Variants in CRACD observed in about 807,000 individuals in gnomAD.
CRACD encodes capping protein-inhibiting regulator of actin dynamics.
A neutral mutation model predicts 106.8 loss-of-function variants in CRACD; 56 were observed. The observed-to-expected ratio is 0.52, with a 90% CI of 0.42 to 0.66. The LOEUF is 0.66. Among genes scored for constraint, CRACD ranks in the 30% least tolerant of loss-of-function variants. CRACD has a pLI of 0.00. For synonymous variants in CRACD, 754 were observed against 670.8 expected, an observed-to-expected ratio of 1.12 and a Z score of -1.92; for missense variants, 1,730 against 1,623.2, an observed-to-expected ratio of 1.07 and a Z score of -1.13.
intron 6 of CRACD, 66 bp from the exon 7 acceptor site, chr4:56,313,131 G>A (rs1745261535): frequency 2.8e-6 from 4 of 1,438,376 alleles, no homozygotes; most frequent in East Asian, 2.3e-5. Flanking sequence ...GAGTGCCACC[G>A]TTCTGCGATT....
chr4:56,181,373 G>A (rs1248925959), intron 2 of CRACD, among the ~76,000 whole-genome samples: 1 of 152,214 alleles, frequency 6.6e-6, no homozygotes, highest in African/African-American at 2.4e-5. Flanking sequence ...CTGGAGCAGA[G>A]TGAGTGGGAG....
chr4:56,067,128 G>T (rs989199408), intron 1 of CRACD, among the ~76,000 whole-genome samples: 1 of 152,028 alleles, frequency 6.6e-6, no homozygotes, highest in Non-Finnish European at 1.5e-5. Context: ...AAGAATGGAA[G>T]TCTTCTTCTA....
At chr4:56,066,183 A>C (rs1203202097) in intron 1 of CRACD, among the ~76,000 whole-genome samples, 2 of 152,178 alleles carry the variant, frequency 1.3e-5, no homozygotes, top group African/African-American at 2.4e-5. Context: ...GATGCTCTAC[A>C]TTGCAGGGCA....
At chr4:56,231,188 T>TAC (rs374534103) in intron 2 of CRACD, among the ~76,000 whole-genome samples, 2 of 152,126 alleles carry the variant, frequency 1.3e-5, no homozygotes, top group South Asian at 2.1e-4. Flanking sequence ...AGTTTTGAAA[T>TAC]ACACACACAC....
chr4:56,188,711 C>CACACAGAGAG (rs1446016845), intron 2 of CRACD, among the ~76,000 whole-genome samples: 15 of 113,170 alleles, frequency 1.3e-4, no homozygotes, highest in African/African-American at 4.6e-4. Flanking sequence ...CACACACACA[C>CACACAGAGAG]AGAGAGAGAG....
chr4:56,103,696 T>C (rs1733854844), intron 1 of CRACD, among the ~76,000 whole-genome samples: 1 of 152,236 alleles, frequency 6.6e-6, no homozygotes, highest in African/African-American at 2.4e-5. Flanking sequence ...CAGCATTACC[T>C]AGAATGAGAG....
intron 3 of CRACD, among the ~76,000 whole-genome samples, chr4:56,283,464 C>T (rs1174697714): frequency 5.9e-5 from 9 of 152,162 alleles, no homozygotes; most frequent in African/African-American, 1.7e-4. Context: ...TCTGGTAGGA[C>T]ATAGTGCCTG....
At chr4:56,107,928 A>G (rs900150771) in intron 1 of CRACD, among the ~76,000 whole-genome samples, 1 of 152,194 alleles carries the variant, frequency 6.6e-6, no homozygotes, top group Non-Finnish European at 1.5e-5. Flanking sequence ...CTCTTTAACA[A>G]AAGGAGCCAT....
intron 2 of CRACD, among the ~76,000 whole-genome samples, chr4:56,254,734 G>T (rs191581974): frequency 6.6e-6 from 1 of 151,778 alleles, no homozygotes; most frequent in Non-Finnish European, 1.5e-5. Context: ...ACATACTCCA[G>T]CATGGTTTGA....
rs748565103 is a variant in CRACD at position 56,121,693 on chromosome 4, G to T, written c.-335-57591G>T. ...AAATGCAGGACTATGTAGCATGATG[G>T]GTTACATGAACAGAGGTCTAAAACT... is the stretch of plus-strand genomic sequence containing the variant. On this transcript the variant is annotated intron_variant, in intron 1 of 10. Coordinates refer to ENST00000682029, the MANE Select transcript of CRACD (RefSeq NM_001393381.1). Among the ~76,000 whole-genome samples the T allele has an allele frequency of 5.3e-5, 8 of 152,030 alleles. 1 individual carries two copies. Among genetic ancestry groups the T allele is most frequent in the Admixed American group, 2.0e-4 (3 of 15,264 alleles).
At chr4:56,306,901 T>C (rs1744750248) in intron 4 of CRACD, among the ~76,000 whole-genome samples, 1 of 152,186 alleles carries the variant, frequency 6.6e-6, no homozygotes, top group African/African-American at 2.4e-5. Flanking sequence ...CTATCCTTTA[T>C]AGGGTTTTAG....
chr4:56,307,061 C>A (rs1560528691), intron 4 of CRACD, among the ~76,000 whole-genome samples: 1 of 152,168 alleles, frequency 6.6e-6, no homozygotes, highest in East Asian at 1.9e-4. Flanking sequence ...GTGAATATGT[C>A]CCAAAGGGGC....
chr4:56,288,143 G>A (rs1386007103), intron 3 of CRACD, among the ~76,000 whole-genome samples: 1 of 152,128 alleles, frequency 6.6e-6, no homozygotes, highest in Non-Finnish European at 1.5e-5. Context: ...TTAGGCAAAT[G>A]TCAAGGATTT....
intron 1 of CRACD, among the ~76,000 whole-genome samples, chr4:56,136,319 GT>G (rs980180136): frequency 2.0e-5 from 3 of 152,096 alleles, no homozygotes; most frequent in Non-Finnish European, 4.4e-5. Flanking sequence ...TATGTTTAAG[GT>G]TTTAAAAAAC....
chr4:56,098,475 T>A (rs1733666899), intron 1 of CRACD, among the ~76,000 whole-genome samples: 1 of 152,244 alleles, frequency 6.6e-6, no homozygotes. Flanking sequence ...CAAAGTGTGA[T>A]AACTTTAAAA....
chr4:56,284,366 AATAG>A (rs1168504905), intron 3 of CRACD, among the ~76,000 whole-genome samples: 1 of 151,888 alleles, frequency 6.6e-6, no homozygotes, highest in African/African-American at 2.4e-5. Context: ...AAACAAAGAT[AATAG>A]ATGTGATCCC....
intron 4 of CRACD, among the ~76,000 whole-genome samples, chr4:56,302,084 C>T (rs1280095296): frequency 6.6e-6 from 1 of 152,072 alleles, no homozygotes; most frequent in Non-Finnish European, 1.5e-5. Flanking sequence ...TGGGTGAAGT[C>T]GTTCAACCTC....
chr4:56,185,458 G>A (rs1737048148), intron 2 of CRACD, among the ~76,000 whole-genome samples: 1 of 151,928 alleles, frequency 6.6e-6, no homozygotes, highest in Non-Finnish European at 1.5e-5. Context: ...AAATCAAATT[G>A]TACAATCTGT....
intron 2 of CRACD, among the ~76,000 whole-genome samples, chr4:56,245,774 C>T (rs1234391264): frequency 6.6e-6 from 1 of 152,198 alleles, no homozygotes; most frequent in Admixed American, 6.5e-5. Context: ...CTCAAACACT[C>T]AGTCCCCTAT....
Sources: gnomAD v4.1 joint callset for allele counts (sites outside exome capture counted in the v4.1 genomes callset) on GRCh38, gnomAD v4.1.1 for gene constraint, MANE v1.5 for transcripts, NCBI Gene and HGNC (gene_info 2026-07-23, HGNC 2026-07-21) for gene names.